The following SMYD3 variants were observed in gnomAD, a reference collection of about 807,000 sequenced individuals.
SMYD3 encodes the protein histone-lysine N-methyltransferase SMYD3.
SMYD3 carries 36 observed loss-of-function variants against 57.7 expected under a neutral mutation model. The observed-to-expected ratio is 0.62, with a 90% CI of 0.48 to 0.82. SMYD3 has a LOEUF of 0.82. SMYD3 is among the 40% of genes least tolerant of loss of function. The pLI, the probability that SMYD3 is intolerant of heterozygous loss-of-function variation, is 0.00. For synonymous variants in SMYD3, 211 were observed against 195.0 expected (o/e 1.08, Z -0.68); for missense variants, 515 against 538.8 (o/e 0.96, Z 0.44).
At chr1:246,299,400 T>C (rs908767594) in intron 5 of SMYD3, among the ~76,000 whole-genome samples, 1 of 152,124 alleles carries the variant, frequency 6.6e-6, no homozygotes, top group African/African-American at 2.4e-5. Flanking sequence ...GGTCGGAGTG[T>C]AGGTTAGTTC....
intron 5 of SMYD3, among the ~76,000 whole-genome samples, chr1:245,958,029 C>T (rs752441082): frequency 2.6e-5 from 4 of 151,822 alleles, no homozygotes; most frequent in East Asian, 3.9e-4. Context: ...AAAAAAAAAG[C>T]GGGGGGGAGA....
At chr1:246,471,295 C>T (rs557583577) in intron 1 of SMYD3, among the ~76,000 whole-genome samples, 1 of 152,212 alleles carries the variant, frequency 6.6e-6, no homozygotes, top group African/African-American at 2.4e-5. Context: ...AACTCCTGGG[C>T]TCAAGTGATC....
At chr1:245,846,123 T>A (rs1052111704) in intron 10 of SMYD3, among the ~76,000 whole-genome samples, 1 of 152,208 alleles carries the variant, frequency 6.6e-6, no homozygotes, top group African/African-American at 2.4e-5. Context: ...CTGGAAGCCA[T>A]CTGTCTCACC....
chr1:245,927,427 C>T (rs1172559980), intron 7 of SMYD3, among the ~76,000 whole-genome samples: 1 of 152,280 alleles, frequency 6.6e-6, no homozygotes, highest in African/African-American at 2.4e-5. Flanking sequence ...TTTGTCAAGT[C>T]CCAATGTCAG....
At chr1:246,055,772 C>T (rs10924470) in intron 5 of SMYD3, among the ~76,000 whole-genome samples, 11,737 of 152,148 alleles carry the variant, frequency 0.077, 1,356 homozygotes, top group African/African-American at 0.25. Context: ...AAATATTGTA[C>T]GATTCAACCT....
At chr1:246,470,551 TACACTATATATAC>T (rs2067947197) in intron 1 of SMYD3, among the ~76,000 whole-genome samples, 2 of 148,368 alleles carry the variant, frequency 1.3e-5, no homozygotes, top group East Asian at 2.0e-4. Flanking sequence ...TACACATACA[TACACTATATATAC>T]ACACTATATA....
intron 5 of SMYD3, among the ~76,000 whole-genome samples, chr1:246,177,222 G>A (rs2062449490): frequency 6.6e-6 from 1 of 152,150 alleles, no homozygotes; most frequent in African/African-American, 2.4e-5. Context: ...GAGTATGTTA[G>A]GGACAATCTC....
chr1:246,076,626 C>G (rs567300460), intron 5 of SMYD3, among the ~76,000 whole-genome samples: 3 of 151,662 alleles, frequency 2.0e-5, no homozygotes, highest in East Asian at 3.9e-4. Context: ...CTTACTTGCT[C>G]TTTCTGGCTC....
chr1:246,248,622 GCTCT>G (rs2063745865), intron 5 of SMYD3, among the ~76,000 whole-genome samples: 4 of 142,240 alleles, frequency 2.8e-5, no homozygotes, highest in Admixed American at 1.4e-4. Flanking sequence ...TTATGCAAAA[GCTCT>G]CTGACTTTCC....
intron 7 of SMYD3, among the ~76,000 whole-genome samples, chr1:245,918,557 C>T (rs968503760): frequency 7.9e-5 from 12 of 152,216 alleles, no homozygotes; most frequent in Non-Finnish European, 1.6e-4. Context: ...AGGGTTGCCT[C>T]TGAGGCACAA....
At chr1:246,028,444 T>C (rs932057872) in intron 5 of SMYD3, among the ~76,000 whole-genome samples, 4 of 152,014 alleles carry the variant, frequency 2.6e-5, no homozygotes, top group African/African-American at 9.7e-5. Flanking sequence ...AACGAAGTAG[T>C]GAAAAAAGAA....
At chr1:245,829,494 A>G (rs2049710406) in intron 10 of SMYD3, among the ~76,000 whole-genome samples, 1 of 151,992 alleles carries the variant, frequency 6.6e-6, no homozygotes, top group Non-Finnish European at 1.5e-5. Flanking sequence ...AAGTGGTAGC[A>G]AAGATATGGA....
chr1:246,115,137 G>GTGT (rs1409374046), intron 5 of SMYD3, among the ~76,000 whole-genome samples: 1 of 147,480 alleles, frequency 6.8e-6, no homozygotes, highest in Non-Finnish European at 1.5e-5. Flanking sequence ...TGTACAGGGA[G>GTGT]AGAAATCAAC....
intron 1 of SMYD3, among the ~76,000 whole-genome samples, chr1:246,399,451 C>T (rs181012850): frequency 6.6e-6 from 1 of 152,354 alleles, no homozygotes; most frequent in East Asian, 1.9e-4. Flanking sequence ...TCTCCCGCCT[C>T]AGCCTCCCAA....
intron 1 of SMYD3, among the ~76,000 whole-genome samples, chr1:246,402,585 C>T (rs761938675): frequency 7.9e-5 from 12 of 152,260 alleles, no homozygotes; most frequent in Non-Finnish European, 1.8e-4. Flanking sequence ...GCTCCCTTCA[C>T]AGTCAAGATA....
At chr1:246,163,029 C>T (rs1489453018) in intron 5 of SMYD3, among the ~76,000 whole-genome samples, 3 of 152,140 alleles carry the variant, frequency 2.0e-5, no homozygotes, top group Non-Finnish European at 4.4e-5. Flanking sequence ...ATTCCCAGAA[C>T]GCATCAACTA....
intron 5 of SMYD3, among the ~76,000 whole-genome samples, chr1:246,117,476 C>T (rs558015683): frequency 7.3e-4 from 111 of 152,304 alleles, no homozygotes; most frequent in Admixed American, 1.1e-3. Flanking sequence ...CTGATTATCT[C>T]ATTTTTTAAA....
At chr1:246,092,014 T>C (rs1040439074) in intron 5 of SMYD3, among the ~76,000 whole-genome samples, 15 of 152,186 alleles carry the variant, frequency 9.9e-5, no homozygotes, top group African/African-American at 3.6e-4. Context: ...TAACACAATT[T>C]TTTTTTAAAA....
At position 246,233,207 on chromosome 1, in the gene SMYD3, T is replaced by C. The variant is rs867833977; in HGVS notation, c.531+93994A>G. ...CACAGAGGAGAAGCACTCCTTCAAT[T>C]CACACTGTGATGAACATATACCACA... is the stretch of plus-strand genomic sequence containing the variant. On this transcript the variant is annotated intron_variant, in intron 5 of 11. Transcript: ENST00000490107. Among the ~76,000 whole-genome samples, 125 of 85,624 alleles carry C rather than the reference T, an allele frequency of 1.5e-3. 1 individual carries two copies. The highest frequency in any genetic ancestry group is 8.9e-3 in the Middle Eastern group (1 of 112). The allele number at this position is 85,624 out of a possible 152,430, so 56.2% of individuals were successfully genotyped here.
Sources: allele counts gnomAD v4.1 joint callset (sites outside exome capture counted in the v4.1 genomes callset), GRCh38; gene constraint gnomAD v4.1.1; transcripts MANE v1.5; gene names NCBI Gene and HGNC (gene_info 2026-07-23, HGNC 2026-07-21).